The following AIG1 variants were observed in gnomAD, a reference collection of about 807,000 sequenced individuals.
AIG1 encodes androgen induced 1.
AIG1 carries 23 observed loss-of-function variants against 31.4 expected under a neutral mutation model. That is an observed-to-expected ratio of 0.73 (90% CI 0.53 to 1.04). The LOEUF (loss-of-function observed/expected upper bound fraction) is 1.04, where lower values mean the gene tolerates loss of function less well. Among genes scored for constraint, AIG1 ranks in the 50% least tolerant of loss-of-function variants. The probability of loss-of-function intolerance (pLI) is 0.00; values close to 1 mark genes in which losing one functional copy is unlikely to be tolerated. For synonymous variants in AIG1, 100 were observed against 110.5 expected, an observed-to-expected ratio of 0.90 and a Z score of 0.60; for missense variants, 274 against 295.0, an observed-to-expected ratio of 0.93 and a Z score of 0.52.
intron 1 of AIG1, among the ~76,000 whole-genome samples, chr6:143,082,996 A>C (rs1778410296): frequency 6.6e-6 from 1 of 152,186 alleles, no homozygotes. Flanking sequence ...CATACCTGTT[A>C]ATCCATATTT....
chr6:143,215,898 C>A (rs1791991233), intron 3 of AIG1, among the ~76,000 whole-genome samples: 1 of 152,108 alleles, frequency 6.6e-6, no homozygotes, highest in Admixed American at 6.6e-5. Context: ...AGACACAACT[C>A]CTCAGCTCTG....
intron 3 of AIG1, among the ~76,000 whole-genome samples, chr6:143,229,956 T>C (rs1334389123): frequency 2.0e-5 from 3 of 152,162 alleles, no homozygotes; most frequent in Non-Finnish European, 2.9e-5. Context: ...TATTGTCTTA[T>C]TTTAAAAGTA....
intron 4 of AIG1, among the ~76,000 whole-genome samples, chr6:143,332,434 T>C (rs1777153907): frequency 6.6e-6 from 1 of 152,226 alleles, no homozygotes; most frequent in African/African-American, 2.4e-5. Flanking sequence ...CAATTCATGA[T>C]GTTACTATTC....
chr6:143,229,212 T>C (rs1312139276), intron 3 of AIG1, among the ~76,000 whole-genome samples: 3 of 152,274 alleles, frequency 2.0e-5, no homozygotes, highest in East Asian at 1.9e-4. Flanking sequence ...TACTCATATA[T>C]GAAGACTTTT....
intron 3 of AIG1, among the ~76,000 whole-genome samples, chr6:143,184,352 C>G (rs1384170918): frequency 6.6e-6 from 1 of 152,228 alleles, no homozygotes; most frequent in Non-Finnish European, 1.5e-5. Flanking sequence ...ATTTCAGGTT[C>G]TGCACTACGT....
At chr6:143,335,864 G>A (rs183207550) in intron 5 of AIG1, among the ~76,000 whole-genome samples, 57 of 149,604 alleles carry the variant, frequency 3.8e-4, no homozygotes, top group Admixed American at 2.4e-3. Context: ...CACGAGAATC[G>A]CTTCAACCTG....
intron 1 of AIG1, among the ~76,000 whole-genome samples, chr6:143,108,776 C>A (rs984386130): frequency 6.6e-6 from 1 of 152,178 alleles, no homozygotes; most frequent in African/African-American, 2.4e-5. Context: ...ATATTCAAAG[C>A]AGTGCACACA....
chr6:143,289,086 C>T (rs1236133513), intron 4 of AIG1, among the ~76,000 whole-genome samples: 1 of 152,238 alleles, frequency 6.6e-6, no homozygotes, highest in East Asian at 1.9e-4. Flanking sequence ...GTAAATGTCT[C>T]TTTTCAGACC....
Position 143,216,142 on chromosome 6 carries a change from A to C in AIG1, c.399+50959A>C, listed in dbSNP as rs188119484. ...TGAAACTTTTGATTTGAAGGAGAGAAACTGTCAAGACTCTTGTTTCATTTT... is the reference window on the plus strand; with the variant it reads ...TGAAACTTTTGATTTGAAGGAGAGACACTGTCAAGACTCTTGTTTCATTTT... On this transcript the variant is annotated intron_variant, in intron 3 of 5. Coordinates refer to ENST00000357847, the MANE Select transcript of AIG1 (RefSeq NM_016108.4). 3.8e-4 allele frequency among the ~76,000 whole-genome samples: 57 copies of C among 151,864 alleles called. No homozygotes were observed. In the East Asian group the frequency reaches 0.01, roughly 28 times the overall value.
chr6:143,283,944 G>A (rs893358674), intron 3 of AIG1, among the ~76,000 whole-genome samples, 166 bp from the exon 4 acceptor site: 1 of 152,138 alleles, frequency 6.6e-6, no homozygotes, highest in Non-Finnish European at 1.5e-5. Flanking sequence ...AGCAATCAAC[G>A]CACTATGTGG....
chr6:143,275,377 A>C (rs1427983005), intron 3 of AIG1, among the ~76,000 whole-genome samples: 1 of 152,130 alleles, frequency 6.6e-6, no homozygotes, highest in Non-Finnish European at 1.5e-5. Flanking sequence ...ATTAATATCC[A>C]AATTTGTTTC....
rs1176682458 is a variant in AIG1 at position 143,334,918 on chromosome 6, T to C, written c.679+1473T>C. ...TATCCACTCTACATTAATAGAATAC[T>C]GCTTTTTAGCAGCTTTGAATGAGGA... On this transcript the variant is annotated intron_variant, in intron 5 of 5. Coordinates refer to ENST00000357847, the MANE Select transcript of AIG1 (RefSeq NM_016108.4). This position sits in a 1 kb window ranked among gnomAD's most constrained non-coding sequence, Gnocchi z 5.1. The C allele has an allele frequency of 2.0e-6, 1 of 498,398 alleles. No individual in the cohort carries two copies. 30.9% of individuals were successfully genotyped at this position (498,398 alleles called of 1,614,324 possible).
At chr6:143,077,552 G>A (rs1392636212) in intron 1 of AIG1, among the ~76,000 whole-genome samples, 1 of 152,128 alleles carries the variant, frequency 6.6e-6, no homozygotes, top group Non-Finnish European at 1.5e-5. Context: ...AGAGAAATTT[G>A]CAATTATTTA....
At chr6:143,186,247 A>G (rs1407886096) in intron 3 of AIG1, among the ~76,000 whole-genome samples, 1 of 152,148 alleles carries the variant, frequency 6.6e-6, no homozygotes, top group Non-Finnish European at 1.5e-5. Context: ...TTCACCAAAC[A>G]TATTTCATTA....
intron 4 of AIG1, among the ~76,000 whole-genome samples, chr6:143,332,597 A>G (rs538019463): frequency 6.6e-6 from 1 of 152,328 alleles, no homozygotes; most frequent in East Asian, 1.9e-4. Context: ...AGCATATGGC[A>G]TGAGTGTTGG....
chr6:143,229,948 T>G (rs9373381), intron 3 of AIG1, among the ~76,000 whole-genome samples: 86,533 of 151,924 alleles, frequency 0.57, 26,300 homozygotes, highest in East Asian at 0.96. Context: ...CATGGTCTTA[T>G]TGTCTTATTT....
intron 3 of AIG1, among the ~76,000 whole-genome samples, chr6:143,281,489 G>A (rs1263320856): frequency 6.6e-6 from 1 of 152,144 alleles, no homozygotes; most frequent in African/African-American, 2.4e-5. Context: ...CTGAGAATGG[G>A]TTGGAACTGG....
At chr6:143,199,522 C>G (rs1220717610) in intron 3 of AIG1, among the ~76,000 whole-genome samples, 2 of 152,068 alleles carry the variant, frequency 1.3e-5, no homozygotes, top group Non-Finnish European at 2.9e-5. Flanking sequence ...TTCCAAGAAA[C>G]AAAAATAATT....
intron 3 of AIG1, among the ~76,000 whole-genome samples, chr6:143,174,294 C>G (rs1787923314): frequency 1.3e-5 from 2 of 152,080 alleles, no homozygotes; most frequent in South Asian, 4.1e-4. Flanking sequence ...TGAGACCAGC[C>G]TGGCCAAGAT....
Sources: allele counts gnomAD v4.1 joint callset (sites outside exome capture counted in the v4.1 genomes callset), GRCh38; gene constraint gnomAD v4.1.1; non-coding constraint Gnocchi (gnomAD v3.1); transcripts MANE v1.5; gene names NCBI Gene and HGNC (gene_info 2026-07-23, HGNC 2026-07-21).